CCSER1: variants seen among roughly 807,000 people sequenced by gnomAD.
CCSER1 encodes serine-rich coiled-coil domain-containing protein 1.
In CCSER1, 41 loss-of-function variants were observed where a neutral mutation model predicts 82.0. That is an observed-to-expected ratio of 0.50 (90% CI 0.39 to 0.65). The LOEUF is 0.65. Among genes scored for constraint, CCSER1 ranks in the 30% least tolerant of loss-of-function variants. The pLI, the probability that CCSER1 is intolerant of heterozygous loss-of-function variation, is 0.00. For missense variants in CCSER1, 1,119 were observed against 1,064.2 expected, an observed-to-expected ratio of 1.05 and a Z score of -0.72; for synonymous variants, 414 against 383.9, an observed-to-expected ratio of 1.08 and a Z score of -0.92.
intron 1 of CCSER1, among the ~76,000 whole-genome samples, chr4:90,188,544 C>G (rs1735040622): frequency 6.6e-6 from 1 of 151,852 alleles, no homozygotes; most frequent in Admixed American, 6.6e-5. Flanking sequence ...CAATTACATA[C>G]TAAGTCTTAC....
intron 6 of CCSER1, among the ~76,000 whole-genome samples, chr4:90,659,970 T>C (rs968270962): frequency 6.6e-6 from 1 of 151,924 alleles, no homozygotes; most frequent in African/African-American, 2.4e-5. Context: ...TGAGGTTTTT[T>C]GTTGTTGTTG....
chr4:90,701,087 G>C (rs950044749), intron 6 of CCSER1, among the ~76,000 whole-genome samples: 3 of 152,104 alleles, frequency 2.0e-5, no homozygotes, highest in African/African-American at 7.2e-5. Context: ...GTATTGCCTA[G>C]GTTTTCTTCT....
intron 10 of CCSER1, among the ~76,000 whole-genome samples, chr4:91,501,109 A>T (rs558514588): frequency 6.6e-6 from 1 of 151,860 alleles, no homozygotes; most frequent in South Asian, 2.1e-4. Flanking sequence ...CAAGCTGAAA[A>T]TATTATATTA....
At position 90,845,713 on chromosome 4, in the gene CCSER1, T is replaced by C. The variant is rs541203690; in HGVS notation, c.2094+29868T>C. On this transcript the variant is annotated intron_variant, in intron 8 of 10. Transcript: ENST00000509176. ...ATATATTTGTTAGTTAGTGCTTTTTTTTAAATTTAATTCCTGAACAACAAA... is the reference window on the plus strand; with the variant it reads ...ATATATTTGTTAGTTAGTGCTTTTTCTTAAATTTAATTCCTGAACAACAAA... 1.2e-3 allele frequency among the ~76,000 whole-genome samples: 190 copies of C among 152,260 alleles called. 1 individual carries two copies. The highest frequency in any genetic ancestry group is 4.3e-3 in the African/African-American group (178 of 41,542).
At position 91,131,331 on chromosome 4, in the gene CCSER1, C is replaced by CT. The variant is rs34209878; in HGVS notation, c.2217+45352dup. Among the ~76,000 whole-genome samples the CT allele has an allele frequency of 9.8e-3, 1,349 of 137,744 alleles. 11 individuals carry two copies. Among genetic ancestry groups the CT allele is most frequent in the African/African-American group, 0.027 (1,025 of 37,572 alleles). 90.4% of individuals were successfully genotyped at this position (137,744 alleles called of 152,430 possible). On this transcript the variant is annotated intron_variant, in intron 10 of 10. Coordinates refer to ENST00000509176, the MANE Select transcript of CCSER1 (RefSeq NM_001145065.2). ...CTTTAATCTAGAACAGTTCTCCCCTCTTTTTTTTTTTTTTTGATTCTATGA... is the reference window on the plus strand; with the variant it reads ...CTTTAATCTAGAACAGTTCTCCCCTCTTTTTTTTTTTTTTTTGATTCTATGA...
chr4:90,282,044 G>A (rs964823788), intron 1 of CCSER1, among the ~76,000 whole-genome samples: 2 of 152,014 alleles, frequency 1.3e-5, no homozygotes, highest in African/African-American at 2.4e-5. Flanking sequence ...TATCAATAGC[G>A]CTGTACTCAG....
At chr4:90,242,329 A>AC (rs368064619) in intron 1 of CCSER1, among the ~76,000 whole-genome samples, 1 of 152,094 alleles carries the variant, frequency 6.6e-6, no homozygotes, top group Non-Finnish European at 1.5e-5. Flanking sequence ...AAAGAAAAGA[A>AC]CAAAGCATAA....
At chr4:90,278,224 T>C (rs1728192230) in intron 1 of CCSER1, among the ~76,000 whole-genome samples, 1 of 152,058 alleles carries the variant, frequency 6.6e-6, no homozygotes, top group Admixed American at 6.6e-5. Context: ...CATACACTAT[T>C]GGTGGGAATG....
At chr4:90,172,402 C>T (rs952768625) in intron 1 of CCSER1, among the ~76,000 whole-genome samples, 4 of 151,716 alleles carry the variant, frequency 2.6e-5, no homozygotes, top group Admixed American at 2.6e-4. Context: ...TAAATTTTGT[C>T]AGTTTACCGT....
At chr4:91,216,015 C>G (rs549015615) in intron 10 of CCSER1, among the ~76,000 whole-genome samples, 27 of 152,298 alleles carry the variant, frequency 1.8e-4, no homozygotes, top group African/African-American at 6.0e-4. Context: ...GGTCTGTGTT[C>G]TGAATCTCAT....
intron 10 of CCSER1, among the ~76,000 whole-genome samples, chr4:91,409,158 T>C (rs1752878887): frequency 6.6e-6 from 1 of 152,226 alleles, no homozygotes; most frequent in Non-Finnish European, 1.5e-5. Context: ...TGAATCTCAG[T>C]AGACCTTTTC....
chr4:90,328,480 A>G (rs1738629644), intron 3 of CCSER1, among the ~76,000 whole-genome samples: 1 of 152,146 alleles, frequency 6.6e-6, no homozygotes, highest in Non-Finnish European at 1.5e-5. Flanking sequence ...TCTGTCATTT[A>G]AAGTAGGACC....
chr4:91,493,639 G>A (rs1391208816), intron 10 of CCSER1, among the ~76,000 whole-genome samples: 2 of 151,508 alleles, frequency 1.3e-5, no homozygotes, highest in Admixed American at 1.3e-4. Context: ...TAAATTTTTT[G>A]CTAGTCTGTT....
chr4:90,740,972 T>C (rs966747320), intron 7 of CCSER1, among the ~76,000 whole-genome samples: 5 of 152,176 alleles, frequency 3.3e-5, no homozygotes, highest in African/African-American at 1.2e-4. Flanking sequence ...TGTGTATCAC[T>C]GAGTTAAACA....
intron 10 of CCSER1, among the ~76,000 whole-genome samples, chr4:91,391,743 T>C (rs1203510594): frequency 1.3e-5 from 2 of 152,118 alleles, no homozygotes; most frequent in African/African-American, 4.8e-5. Flanking sequence ...ATTTGTTAAG[T>C]TGTGTTTGGT....
intron 8 of CCSER1, among the ~76,000 whole-genome samples, chr4:90,821,041 G>T (rs1026300912): frequency 6.6e-6 from 1 of 152,136 alleles, no homozygotes; most frequent in African/African-American, 2.4e-5. Context: ...ATCAGTGTGT[G>T]TTGGGGGAAA....
At chr4:91,290,108 A>T (rs1325197329) in intron 10 of CCSER1, among the ~76,000 whole-genome samples, 1 of 152,010 alleles carries the variant, frequency 6.6e-6, no homozygotes, top group Non-Finnish European at 1.5e-5. Flanking sequence ...GCTACAAAAC[A>T]TTCTATAGTC....
intron 10 of CCSER1, among the ~76,000 whole-genome samples, chr4:91,537,999 G>A (rs1394612181): frequency 6.6e-6 from 1 of 151,962 alleles, no homozygotes; most frequent in East Asian, 1.9e-4. Flanking sequence ...GGATGAATTG[G>A]TTATATTCAG....
At chr4:90,549,293 A>G (rs986984389) in intron 5 of CCSER1, among the ~76,000 whole-genome samples, 1 of 152,340 alleles carries the variant, frequency 6.6e-6, no homozygotes, top group East Asian at 1.9e-4. Flanking sequence ...ATAATACAGA[A>G]AGATTTACAG....
Sources: gnomAD v4.1 joint callset for allele counts (sites outside exome capture counted in the v4.1 genomes callset) on GRCh38, gnomAD v4.1.1 for gene constraint, MANE v1.5 for transcripts, NCBI Gene and HGNC (gene_info 2026-07-23, HGNC 2026-07-21) for gene names.